Variants in CRHR2 observed in about 807,000 individuals in gnomAD.
CRHR2 encodes the protein corticotropin-releasing hormone receptor 2.
CRHR2 carries 53 observed loss-of-function variants against 57.9 expected under a neutral mutation model. That is an observed-to-expected ratio of 0.92 (90% CI 0.73 to 1.15). CRHR2 has a LOEUF of 1.15. Among genes scored for constraint, CRHR2 ranks in the 50% most tolerant of loss-of-function variants. CRHR2 has a pLI of 0.00. For missense variants in CRHR2, 532 were observed against 542.6 expected (o/e 0.98, Z 0.19); for synonymous variants, 213 against 220.9 (o/e 0.96, Z 0.32).
At chr7:30,655,123 C>A (rs200568836) in intron 10 of CRHR2, 43 bp from the exon 11 acceptor site, 4 of 1,598,946 alleles carry the variant, frequency 2.5e-6, no homozygotes, top group Non-Finnish European at 3.4e-6. Context: ...GACCTACCTG[C>A]GGAGCTGTTC....
At chr7:30,672,502 A>G (rs1046444480) in intron 2 of CRHR2, among the ~76,000 whole-genome samples, 9 of 152,334 alleles carry the variant, frequency 5.9e-5, no homozygotes, top group Admixed American at 3.3e-4. Context: ...TTGGGAACTC[A>G]TTGAAGGTAG....
chr7:30,692,263 C>T (rs1784975934), intron 1 of CRHR2, among the ~76,000 whole-genome samples: 1 of 152,108 alleles, frequency 6.6e-6, no homozygotes, highest in African/African-American at 2.4e-5. Flanking sequence ...ATCGGGACTC[C>T]CAAGGCCCAG....
chr7:30,654,836 G>A (rs1377055727), intron 11 of CRHR2: 1 of 1,543,162 alleles, frequency 6.5e-7, no homozygotes, highest in South Asian at 1.2e-5. Context: ...GTGCTGGCAT[G>A]TTATTTCGGG....
chr7:30,690,381 A>G (rs752134654), intron 1 of CRHR2, among the ~76,000 whole-genome samples: 6 of 151,912 alleles, frequency 3.9e-5, no homozygotes, highest in Non-Finnish European at 5.9e-5. Context: ...GCTTGGCCCC[A>G]TTCCTCCCAA....
intron 5 of CRHR2, among the ~76,000 whole-genome samples, chr7:30,663,242 G>T (rs1481020540): frequency 6.6e-6 from 1 of 152,078 alleles, no homozygotes; most frequent in Non-Finnish European, 1.5e-5. Context: ...CTTCCTTTTG[G>T]GGATGGGATA....
At chr7:30,685,370 G>A (rs2128149690), upstream of CRHR2, among the ~76,000 whole-genome samples, 1 of 152,330 alleles carries the variant, frequency 6.6e-6, no homozygotes, top group East Asian at 1.9e-4. Context: ...TGGAAAACAG[G>A]ATTTAAAGGG....
chr7:30,662,984 ACT>A (rs1486917301), intron 5 of CRHR2, 137 bp from the exon 6 acceptor site: 12 of 1,039,354 alleles, frequency 1.2e-5, no homozygotes, highest in Non-Finnish European at 1.6e-5. Flanking sequence ...AGCGAACCTC[ACT>A]CTGAAAAGCT....
intron 2 of CRHR2, among the ~76,000 whole-genome samples, chr7:30,676,776 A>T (rs913698160): frequency 6.6e-6 from 1 of 152,166 alleles, no homozygotes; most frequent in Non-Finnish European, 1.5e-5. Context: ...CTGGCTGGAG[A>T]CCACTCAGCT....
rs1783798585 is a variant in CRHR2 at position 30,656,549 on chromosome 7, C to G, written c.832-537G>C. On this transcript the variant is annotated intron_variant, in intron 8 of 11. Coordinates refer to ENST00000471646, the MANE Select transcript of CRHR2 (RefSeq NM_001883.5). The surrounding 1 kb of genome is among the most constrained non-coding windows in gnomAD (Gnocchi z 4.4). Reference sequence around the variant, plus strand: ...TGATTAATCTGCCAGCATCCCACCCCTGTGCCCAGGAACTCCAGAGCCTTC... The same window carrying G: ...TGATTAATCTGCCAGCATCCCACCCGTGTGCCCAGGAACTCCAGAGCCTTC... 6.6e-6 allele frequency among the ~76,000 whole-genome samples: 1 copy of G among 152,232 alleles called. No individual in the cohort carries two copies. Among genetic ancestry groups the G allele is most frequent in the Non-Finnish European group, 1.5e-5 (1 of 68,016 alleles).
In CRHR2 at chr7:30,655,684, G is replaced by A. The variant is rs757529192; in HGVS notation, c.949C>T (p.Pro317Ser). The change falls in exon 10 of 12, where the codon CCC (proline) becomes TCC (serine). Residue 317 changes from proline (P) to serine (S), a missense_variant. Physicochemically the swap from Pro to Ser is moderately conservative, Grantham distance 74 (BLOSUM62 -1). Transcript: ENST00000471646. ...KAVKATLVLLPLLGITYMLFF... is the reference protein window; with the variant it reads ...KAVKATLVLLSLLGITYMLFF... ...AGCATGTAGGTGATGCCCAGGAGGG[G>A]CAGGAGCACCAGGGTGGCCTTCACT... The A allele has an allele frequency of 4.3e-6, 7 of 1,614,110 alleles. No individual in the cohort carries two copies. The South Asian group carries it at 4.4e-5, about 10-fold the overall frequency.
At chr7:30,681,038 G>A (rs1214065979) in intron 2 of CRHR2, among the ~76,000 whole-genome samples, 6 of 151,964 alleles carry the variant, frequency 3.9e-5, no homozygotes, top group African/African-American at 9.7e-5. Context: ...ACAGCCTCCC[G>A]CAGACCACAC....
At chr7:30,676,261 T>G (rs771310099) in intron 2 of CRHR2, among the ~76,000 whole-genome samples, 8 of 152,184 alleles carry the variant, frequency 5.3e-5, no homozygotes, top group Non-Finnish European at 1.0e-4. Flanking sequence ...CTTCCTTCTT[T>G]TCTTAGCTAA....
intron 2 of CRHR2, among the ~76,000 whole-genome samples, chr7:30,677,803 C>T (rs1784564671): frequency 6.6e-6 from 1 of 152,208 alleles, no homozygotes; most frequent in South Asian, 2.1e-4. Context: ...GGTGCAGTGG[C>T]TCACGCCTAT....
intron 8 of CRHR2, among the ~76,000 whole-genome samples, chr7:30,657,104 C>T (rs1783817390): frequency 6.6e-6 from 1 of 152,134 alleles, no homozygotes; most frequent in Admixed American, 6.5e-5. Context: ...CACACACACA[C>T]ACACACCTCT....
chr7:30,688,259 C>A (rs1027185399), intron 2 of CRHR2, among the ~76,000 whole-genome samples: 1 of 152,148 alleles, frequency 6.6e-6, no homozygotes, highest in African/African-American at 2.4e-5. Flanking sequence ...AGGAACCAAC[C>A]CTGCCCACAG....
chr7:30,679,265 G>T (rs148812362), intron 2 of CRHR2, among the ~76,000 whole-genome samples: 1 of 152,174 alleles, frequency 6.6e-6, no homozygotes, highest in African/African-American at 2.4e-5. Flanking sequence ...AGCTCTCCTC[G>T]CAAACCGAAT....
At chr7:30,695,621 C>T (rs957149840) in intron 1 of CRHR2, among the ~76,000 whole-genome samples, 2 of 152,148 alleles carry the variant, frequency 1.3e-5, no homozygotes, top group Non-Finnish European at 2.9e-5. Flanking sequence ...CCGTAGCAGG[C>T]CACTTGGCCT....
chr7:30,661,047 G>A (rs1783976597), intron 7 of CRHR2, among the ~76,000 whole-genome samples: 3 of 152,192 alleles, frequency 2.0e-5, no homozygotes, highest in Admixed American at 1.3e-4. Context: ...GCTGTTCCGT[G>A]TGCCAGGCAC....
chr7:30,682,007 T>C lies in CRHR2; in HGVS notation c.137A>G (p.Gln46Arg). 2 of 1,603,068 alleles carry C rather than the reference T, an allele frequency of 1.2e-6. No individual in the cohort carries two copies. The highest frequency in any genetic ancestry group is 2.2e-5 in the East Asian group (1 of 44,514). The change falls in exon 2 of 12, where the codon CAG (glutamine) becomes CGG (arginine). Residue 46 changes from glutamine to arginine, a missense_variant. Gln to Arg is a conservative substitution (Grantham distance 43, BLOSUM62 1). Coordinates refer to ENST00000471646, the MANE Select transcript of CRHR2 (RefSeq NM_001883.5). Reference protein sequence around the residue: ...PYSYCNTTLDQIGTCWPRSAA... With the variant: ...PYSYCNTTLDRIGTCWPRSAA... ...GCTGCGGGGCCAGCACGTTCCGATC[T>C]GGTCCAAGGTCGTGTTGCAGTAGGA...
Sources: gnomAD v4.1 joint callset for allele counts (sites outside exome capture counted in the v4.1 genomes callset) on GRCh38, gnomAD v4.1.1 for gene constraint, Gnocchi (gnomAD v3.1) non-coding constraint, MANE v1.5 for transcripts, NCBI Gene and HGNC (gene_info 2026-07-23, HGNC 2026-07-21) for gene names.